The following RAPGEF5 variants were observed in gnomAD, a reference collection of about 807,000 sequenced individuals.
RAPGEF5 encodes Rap guanine nucleotide exchange factor 5.
In RAPGEF5, 65 loss-of-function variants were observed where a neutral mutation model predicts 125.2. That is an observed-to-expected ratio of 0.52 (90% CI 0.43 to 0.64). RAPGEF5 has a LOEUF of 0.64. Ranked by LOEUF, RAPGEF5 falls within the 30% of genes least tolerant of loss-of-function variation. The pLI is 0.00. For missense variants in RAPGEF5, 958 were observed against 1,048.1 expected (o/e 0.91, Z 1.19); for synonymous variants, 391 against 385.9 (o/e 1.01, Z -0.16).
In RAPGEF5 at chr7:22,258,483, G is replaced by A. The variant is rs554354707; in HGVS notation, c.796+8481C>T. Among the ~76,000 whole-genome samples the A allele has an allele frequency of 2.0e-5, 3 of 152,190 alleles. No homozygotes were observed. In the South Asian group the frequency reaches 6.2e-4, roughly 32 times the overall value. Reference sequence around the variant, plus strand: ...TAAAAATACAAAATTAGCTGGGCATGGTGGCACCTGCATGCCTGCAATCCC... The same window carrying A: ...TAAAAATACAAAATTAGCTGGGCATAGTGGCACCTGCATGCCTGCAATCCC... On this transcript the variant is annotated intron_variant, in intron 7 of 25. Transcript: ENST00000665637.
At chr7:22,147,225 C>T (rs1783471561) in intron 18 of RAPGEF5, among the ~76,000 whole-genome samples, 1 of 152,216 alleles carries the variant, frequency 6.6e-6, no homozygotes, top group African/African-American at 2.4e-5. Context: ...ATCAATGATA[C>T]TTCAGTGAGT....
intron 7 of RAPGEF5, among the ~76,000 whole-genome samples, chr7:22,259,762 A>G (rs1057032724): frequency 6.6e-6 from 1 of 152,258 alleles, no homozygotes; most frequent in Non-Finnish European, 1.5e-5. Flanking sequence ...TTCCAACCAT[A>G]TGACATTATG....
chr7:22,155,642 G>C (rs1783779744), intron 16 of RAPGEF5, among the ~76,000 whole-genome samples: 1 of 152,164 alleles, frequency 6.6e-6, no homozygotes. Context: ...ACACCACCAG[G>C]AGACACTTGA....
At chr7:22,228,066 G>T (rs1785963295) in intron 8 of RAPGEF5, among the ~76,000 whole-genome samples, 1 of 152,162 alleles carries the variant, frequency 6.6e-6, no homozygotes, top group Non-Finnish European at 1.5e-5. Flanking sequence ...CAACCAAAAA[G>T]CAATGAGATA....
At chr7:22,284,506 T>C (rs1562507857) in intron 6 of RAPGEF5, among the ~76,000 whole-genome samples, 1 of 152,210 alleles carries the variant, frequency 6.6e-6, no homozygotes, top group Admixed American at 6.5e-5. Flanking sequence ...CACTTGACAC[T>C]TTCCCTCAAA....
At chr7:22,181,274 A>G (rs1029185145) in intron 11 of RAPGEF5, among the ~76,000 whole-genome samples, 3 of 152,218 alleles carry the variant, frequency 2.0e-5, no homozygotes, top group Non-Finnish European at 4.4e-5. Context: ...TCAGTACTAC[A>G]TAAATTCTTC....
intron 20 of RAPGEF5, among the ~76,000 whole-genome samples, chr7:22,141,821 G>GT (rs894548636): frequency 6.6e-6 from 1 of 152,126 alleles, no homozygotes; most frequent in Non-Finnish European, 1.5e-5. Flanking sequence ...CCCTTACGTG[G>GT]TTTTTTGCCA....
At chr7:22,325,837 T>C (rs905088432) in intron 1 of RAPGEF5, among the ~76,000 whole-genome samples, 1 of 152,210 alleles carries the variant, frequency 6.6e-6, no homozygotes, top group African/African-American at 2.4e-5. Context: ...GTACTGGGAT[T>C]ATATGAGTCA....
intron 1 of RAPGEF5, among the ~76,000 whole-genome samples, chr7:22,349,180 T>C (rs925636563): frequency 6.6e-5 from 10 of 150,870 alleles, no homozygotes; most frequent in African/African-American, 2.4e-4. Flanking sequence ...TCCCAGCACT[T>C]TGGGAGGCTG....
At chr7:22,220,261 C>T (rs1328579224) in intron 8 of RAPGEF5, 21 of 308,944 alleles carry the variant, frequency 6.8e-5, no homozygotes, top group Middle Eastern at 7.3e-4. Flanking sequence ...ACTAAGTGTG[C>T]GCCTGATAGG....
chr7:22,228,467 A>G (rs1785973136), intron 8 of RAPGEF5, among the ~76,000 whole-genome samples: 1 of 152,110 alleles, frequency 6.6e-6, no homozygotes, highest in African/African-American at 2.4e-5. Flanking sequence ...AAAGGAGGGT[A>G]GGAGCACAAG....
At chr7:22,217,303 T>C (rs1372719040) in intron 9 of RAPGEF5, among the ~76,000 whole-genome samples, 7 of 152,208 alleles carry the variant, frequency 4.6e-5, no homozygotes, top group Non-Finnish European at 7.3e-5. Context: ...TGCAGTTTCC[T>C]CTGTCCATGC....
Position 22,134,900 on chromosome 7 carries a change from C to T in RAPGEF5, c.2416+1138G>A, listed in dbSNP as rs184988598. 4.1e-3 allele frequency among the ~76,000 whole-genome samples: 621 copies of T among 152,304 alleles called. 2 individuals carry two copies. The highest frequency in any genetic ancestry group is 6.5e-3 in the Non-Finnish European group (443 of 68,038). On this transcript the variant is annotated intron_variant, in intron 23 of 25. Transcript: ENST00000665637. ...CAGAATATTTTCGGCTTGGATGACGCATCTGTGCATATCTATCTCCATTGT... is the reference window on the plus strand; with the variant it reads ...CAGAATATTTTCGGCTTGGATGACGTATCTGTGCATATCTATCTCCATTGT...
chr7:22,150,705 C>A (rs116174579), intron 17 of RAPGEF5, among the ~76,000 whole-genome samples: 1 of 152,112 alleles, frequency 6.6e-6, no homozygotes, highest in African/African-American at 2.4e-5. Flanking sequence ...CACTGCTCAG[C>A]GGTCAGAAAG....
At position 22,308,521 on chromosome 7, in the gene RAPGEF5, A is replaced by G. The variant is rs1431711649; in HGVS notation, c.512-14T>C. 6.7e-7 allele frequency: 1 copy of G among 1,485,322 alleles called. No homozygotes were observed. The highest frequency in any genetic ancestry group is 1.4e-5 in the African/African-American group (1 of 70,196). 92.0% of individuals were successfully genotyped at this position (1,485,322 alleles called of 1,614,324 possible). A position where few individuals can be genotyped will look rare whatever the true frequency, so the allele number is the denominator to read the frequency against. Reference sequence around the variant, plus strand: ...GATGCTGGTCCACTGTTTGAAACAAAAAATATATAGATCAATTTTTTAAAA... The same window carrying G: ...GATGCTGGTCCACTGTTTGAAACAAGAAATATATAGATCAATTTTTTAAAA... On this transcript the variant is annotated splice_polypyrimidine_tract_variant and intron_variant, in intron 4 of 25. Transcript: ENST00000665637.
chr7:22,169,195 C>A (rs556537468), intron 11 of RAPGEF5, among the ~76,000 whole-genome samples: 1 of 152,030 alleles, frequency 6.6e-6, no homozygotes, highest in African/African-American at 2.4e-5. Flanking sequence ...AGCCTGTGTA[C>A]GCAGAAGAGC....
intron 15 of RAPGEF5, 71 bp from the exon 16 acceptor site, chr7:22,156,959 A>G (rs1783829753): frequency 1.3e-6 from 2 of 1,580,264 alleles, no homozygotes; most frequent in East Asian, 2.3e-5. Flanking sequence ...GCTGTTTACA[A>G]TATGTTCCAA....
chr7:22,290,537 A>T (rs1428575007), intron 6 of RAPGEF5, among the ~76,000 whole-genome samples: 1 of 152,062 alleles, frequency 6.6e-6, no homozygotes, highest in Non-Finnish European at 1.5e-5. Flanking sequence ...CAAGGTCAGG[A>T]GATCGAGACC....
intron 25 of RAPGEF5, 23 bp downstream of exon 25, chr7:22,125,581 C>T (rs777541123): frequency 1.6e-5 from 26 of 1,595,768 alleles, no homozygotes; most frequent in East Asian, 1.1e-4. Flanking sequence ...ATTTACATTC[C>T]GCACCTGACT....
Sources: allele counts gnomAD v4.1 joint callset (sites outside exome capture counted in the v4.1 genomes callset), GRCh38; gene constraint gnomAD v4.1.1; transcripts MANE v1.5; gene names NCBI Gene and HGNC (gene_info 2026-07-23, HGNC 2026-07-21).